The following PRSS8 variants were observed in gnomAD, a reference collection of about 807,000 sequenced individuals.
PRSS8 encodes the protein serine protease 8, also known as prostasin.
In PRSS8, 11 loss-of-function variants were observed where a neutral mutation model predicts 26.7. That is an observed-to-expected ratio of 0.41 (90% CI 0.26 to 0.68). The LOEUF is 0.68. Among genes scored for constraint, PRSS8 ranks in the 30% least tolerant of loss-of-function variants. The pLI is 0.30. For missense variants in PRSS8, 362 were observed against 443.5 expected (o/e 0.82, Z 1.65); for synonymous variants, 183 against 187.0 (o/e 0.98, Z 0.17).
intron 2 of PRSS8, chr16:31,134,521 A>C (rs2057596269): frequency 6.5e-6 from 1 of 152,678 alleles, no homozygotes; most frequent in Non-Finnish European, 1.5e-5. Flanking sequence ...CCAAGAAAGG[A>C]GACCCTTGGT....
rs371928654 is a variant in PRSS8 at position 31,132,831 on chromosome 16, C to T, written c.389G>A (p.Gly130Asp). Reference protein sequence around the residue: ...IIPHPSYLQEGSQGDIALLQL... With the variant: ...IIPHPSYLQEDSQGDIALLQL... ...GAGGAGTGCAATGTCGCCCTGGGAG[C>T]CCTCCTGGAGGTAGCTGGGGTGGGG... is the stretch of plus-strand genomic sequence containing the variant. Residue 130 changes from glycine to aspartate, a missense_variant, in exon 4 of 6, where the codon GGC (glycine) becomes GAC (aspartate). Gly to Asp is a moderately conservative substitution (Grantham distance 94). Transcript: ENST00000317508. This position sits in a 1 kb window ranked among gnomAD's most constrained non-coding sequence, Gnocchi z 5.2. 8.7e-6 allele frequency: 14 copies of T among 1,613,746 alleles called. No homozygotes were observed. Among genetic ancestry groups the T allele is most frequent in the Non-Finnish European group, 9.3e-6 (11 of 1,179,866 alleles).
At chr16:31,134,712 C>A in intron 2 of PRSS8, 1 of 185,536 alleles carries the variant, frequency 5.4e-6, no homozygotes, top group Non-Finnish European at 1.1e-5. Context: ...ACACAACTAG[C>A]TGGGTGTGAT....
In PRSS8 at chr16:31,133,392, C is replaced by T. The variant is rs769808287; in HGVS notation, c.104-4G>A. 3.0e-5 allele frequency: 49 copies of T among 1,613,508 alleles called. 1 individual carries two copies. The highest frequency in any genetic ancestry group is 4.1e-5 in the Non-Finnish European group (48 of 1,179,866). ...TGGGGGGCCACACCGCAGGGAGCTG[C>T]CCAGGGAGGAAGGGAAGGGGTCAGG... On this transcript the variant is annotated splice_region_variant and splice_polypyrimidine_tract_variant and intron_variant, in intron 2 of 5. Transcript: ENST00000317508. This position sits in a 1 kb window ranked among gnomAD's most constrained non-coding sequence, Gnocchi z 4.7.
chr16:31,134,319 G>C (rs1259711978), intron 2 of PRSS8: 1 of 152,316 alleles, frequency 6.6e-6, no homozygotes, highest in Non-Finnish European at 1.5e-5. Context: ...GCCAGGCCCT[G>C]GAGGGGCTTT....
At position 31,133,525 on chromosome 16, in the gene PRSS8, G is replaced by T; in HGVS notation, c.104-137C>A. 1 of 1,086,372 alleles carries T rather than the reference G, an allele frequency of 9.2e-7. No homozygotes were observed. The highest frequency in any genetic ancestry group is 1.3e-6 in the Non-Finnish European group (1 of 768,518). The allele number at this position is 1,086,372 out of a possible 1,614,324, so 67.3% of individuals were successfully genotyped here. A position where few individuals can be genotyped will look rare whatever the true frequency, so the allele number is the denominator to read the frequency against. ...TGTCCCCTCCCAGGCATGGGCAGTT[G>T]TGCCCCTTCTGTCCACTACCCATTA... On this transcript the variant is annotated intron_variant, in intron 2 of 5. Transcript: ENST00000317508. The surrounding 1 kb of genome is among the most constrained non-coding windows in gnomAD (Gnocchi z 4.7).
Position 31,133,404 on chromosome 16 carries a change from G to T in PRSS8, c.104-16C>A. 1 of 1,613,164 alleles carries T rather than the reference G, an allele frequency of 6.2e-7. No homozygotes were observed. Among genetic ancestry groups the T allele is most frequent in the East Asian group, 2.2e-5 (1 of 44,868 alleles). ...CCGCAGGGAGCTGCCCAGGGAGGAA[G>T]GGAAGGGGTCAGGTTGTTAGCCTGG... On this transcript the variant is annotated splice_polypyrimidine_tract_variant and intron_variant, in intron 2 of 5. Transcript: ENST00000317508. The surrounding 1 kb of genome is among the most constrained non-coding windows in gnomAD (Gnocchi z 4.7).
intron 2 of PRSS8, chr16:31,134,850 G>C (rs1041007941): frequency 2.4e-6 from 1 of 412,262 alleles, no homozygotes; most frequent in African/African-American, 2.0e-5. Flanking sequence ...TCCAGCCTGG[G>C]TGACGACAGA....
intron 2 of PRSS8, chr16:31,134,908 C>T (rs764507764): frequency 6.4e-5 from 36 of 560,104 alleles, no homozygotes; most frequent in Non-Finnish European, 1.0e-4. Flanking sequence ...AAAACCACCT[C>T]GATTGCCCCA....
chr16:31,133,186 T>A lies in PRSS8; in HGVS notation c.266+40A>T. On this transcript the variant is annotated intron_variant, in intron 3 of 5. Transcript: ENST00000317508. The surrounding 1 kb of genome is among the most constrained non-coding windows in gnomAD (Gnocchi z 4.7). ...CTCTGACCTGGATTGACCCATTAACTTTGACCTCCAGCCCACTTTTGACTT... is the reference window on the plus strand; with the variant it reads ...CTCTGACCTGGATTGACCCATTAACATTGACCTCCAGCCCACTTTTGACTT... 6.2e-7 allele frequency: 1 copy of A among 1,612,964 alleles called. No individual in the cohort carries two copies. Among genetic ancestry groups the A allele is most frequent in the Non-Finnish European group, 8.5e-7 (1 of 1,179,810 alleles).
At position 31,133,522 on chromosome 16, in the gene PRSS8, G is replaced by T; in HGVS notation, c.104-134C>A. 9.0e-7 allele frequency: 1 copy of T among 1,106,392 alleles called. No homozygotes were observed. The highest frequency in any genetic ancestry group is 1.3e-6 in the Non-Finnish European group (1 of 785,966). The allele number at this position is 1,106,392 out of a possible 1,614,324, so 68.5% of individuals were successfully genotyped here. ...CTTTGTCCCCTCCCAGGCATGGGCA[G>T]TTGTGCCCCTTCTGTCCACTACCCA... On this transcript the variant is annotated intron_variant, in intron 2 of 5. Coordinates refer to ENST00000317508, the MANE Select transcript of PRSS8 (RefSeq NM_002773.5). This position sits in a 1 kb window ranked among gnomAD's most constrained non-coding sequence, Gnocchi z 4.7.
At chr16:31,135,346 C>T (rs1424195366) in intron 1 of PRSS8, 68 bp downstream of exon 1, 3 of 1,575,836 alleles carry the variant, frequency 1.9e-6, no homozygotes, top group East Asian at 4.6e-5. Context: ...AAGGGCACAC[C>T]CCAGAAAATG....
At position 31,132,721 on chromosome 16, in the gene PRSS8, G is replaced by C. The variant is rs1330170314; in HGVS notation, c.499C>G (p.His167Asp). ...TGACCCCAGCCAGTGACAGTGCAGT[G>C]GAGGCCGTTGGGGAAGGAGGCGTTG... is the stretch of plus-strand genomic sequence containing the variant. ...AANASFPNGL[H>D]CTVTGWGHVA... Residue 167 changes from histidine (H) to aspartate (D), a missense_variant, in exon 4 of 6, where the codon CAC (histidine) becomes GAC (aspartate). Transcript: ENST00000317508. The surrounding 1 kb of genome is among the most constrained non-coding windows in gnomAD (Gnocchi z 5.2). The C allele has an allele frequency of 1.2e-6, 2 of 1,614,040 alleles. No individual in the cohort carries two copies. Among genetic ancestry groups the C allele is most frequent in the Admixed American group, 3.3e-5 (2 of 60,026 alleles).
chr16:31,133,291 G>A lies in PRSS8; in HGVS notation c.201C>T (p.Val67=). 1.2e-6 allele frequency: 2 copies of A among 1,613,986 alleles called. No homozygotes were observed. The highest frequency in any genetic ancestry group is 2.2e-5 in the South Asian group (2 of 91,082). The change falls in exon 3 of 6, where the codon GTC becomes GTT. Residue 67 remains valine, a synonymous_variant. Coordinates refer to ENST00000317508, the MANE Select transcript of PRSS8 (RefSeq NM_002773.5). The surrounding 1 kb of genome is among the most constrained non-coding windows in gnomAD (Gnocchi z 4.7). ...PWQVSITYEG[V]HVCGGSLVSE... ...ACACGAGAGAGCCACCACACACATG[G>A]ACGCCTTCATAGGTGATGCTGACCT...
At position 31,132,871 on chromosome 16, in the gene PRSS8, G is replaced by A; in HGVS notation, c.349C>T (p.Leu117=). The change falls in exon 4 of 6, where the codon CTG becomes TTG. Residue 117 remains leucine, a synonymous_variant. Transcript: ENST00000317508. The surrounding 1 kb of genome is among the most constrained non-coding windows in gnomAD (Gnocchi z 5.2). ...SYSEDAKVST[L]KDIIPHPSYL... ...CTGGGGTGGGGGATGATGTCCTTCA[G>A]GGTGCTGACCTTGGCGTCCTCGGAG... The A allele has an allele frequency of 8.1e-6, 13 of 1,613,822 alleles. No homozygotes were observed. The highest frequency in any genetic ancestry group is 8.5e-6 in the Non-Finnish European group (10 of 1,179,838).
chr16:31,131,897 G>T lies in PRSS8; in HGVS notation c.*112C>A. On this transcript the variant is annotated 3_prime_UTR_variant, in exon 6 of 6. Transcript: ENST00000317508. ...CAAGATGGGGCCCCAGCCTCCCGCA[G>T]AGTCCTGAAGGAAGGAGTGGCTCAA... is the stretch of plus-strand genomic sequence containing the variant. The T allele has an allele frequency of 8.0e-7, 1 of 1,255,056 alleles. No homozygotes were observed. The highest frequency in any genetic ancestry group is 1.1e-6 in the Non-Finnish European group (1 of 932,768). The allele number at this position is 1,255,056 out of a possible 1,614,324, so 77.7% of individuals were successfully genotyped here.
chr16:31,135,278 A>C (rs756364709), intron 1 of PRSS8, 107 bp from the exon 2 acceptor site: 2 of 1,594,718 alleles, frequency 1.3e-6, no homozygotes, highest in South Asian at 2.2e-5. Flanking sequence ...TGACAGAGCC[A>C]AGGTGGGAAA....
chr16:31,132,411 C>T lies in PRSS8; in HGVS notation c.705+18G>A. ...TCCGAAGTTGCACTGGTCATCTGCC[C>T]CCCGGGCCTGTGCTTACCTGGCAGG... is the stretch of plus-strand genomic sequence containing the variant. On this transcript the variant is annotated intron_variant, in intron 5 of 5. Transcript: ENST00000317508. The surrounding 1 kb of genome is among the most constrained non-coding windows in gnomAD (Gnocchi z 5.2). 1 of 1,613,836 alleles carries T rather than the reference C, an allele frequency of 6.2e-7. No homozygotes were observed. The highest frequency in any genetic ancestry group is 8.5e-7 in the Non-Finnish European group (1 of 1,179,772).
In PRSS8 at chr16:31,131,569, G is replaced by A. The variant is rs552092450; in HGVS notation, c.*440C>T. The A allele has an allele frequency of 1.4e-4, 69 of 509,500 alleles. 1 individual carries two copies. The South Asian group carries it at 1.9e-3, about 14-fold the overall frequency. The allele number at this position is 509,500 out of a possible 1,614,324, so 31.6% of individuals were successfully genotyped here. On this transcript the variant is annotated 3_prime_UTR_variant, in exon 6 of 6. Coordinates refer to ENST00000317508, the MANE Select transcript of PRSS8 (RefSeq NM_002773.5). ...GGGGCGCTCAGCGGCCAGTGGGCAA[G>A]ATTGGGGCCTTTCCTGTCCTCGAAG...
In PRSS8 at chr16:31,135,657, G is replaced by C; in HGVS notation, c.-159C>G. The C allele has an allele frequency of 1.5e-6, 1 of 657,884 alleles. No homozygotes were observed. Among genetic ancestry groups the C allele is most frequent in the Non-Finnish European group, 2.6e-6 (1 of 385,726 alleles). 40.8% of individuals were successfully genotyped at this position (657,884 alleles called of 1,614,324 possible). On this transcript the variant is annotated 5_prime_UTR_variant, in exon 1 of 6. Coordinates refer to ENST00000317508, the MANE Select transcript of PRSS8 (RefSeq NM_002773.5). ...GTGTCCAAGGCTGGCCTCTAAGGCA[G>C]GGAGCGGCCGCAACGGGAGACGCCT...
Sources: allele counts gnomAD v4.1 joint callset, GRCh38; gene constraint gnomAD v4.1.1; non-coding constraint Gnocchi (gnomAD v3.1); transcripts MANE v1.5; gene names NCBI Gene and HGNC (gene_info 2026-07-23, HGNC 2026-07-21).